Variants in TSPAN5 observed in about 807,000 individuals in gnomAD.
TSPAN5 encodes tetraspanin-5.
TSPAN5 carries 10 observed loss-of-function variants against 37.1 expected under a neutral mutation model. That is an observed-to-expected ratio of 0.27 (90% confidence interval 0.17 to 0.46). The LOEUF (loss-of-function observed/expected upper bound fraction) is 0.46. Among genes scored for constraint, TSPAN5 ranks in the 20% least tolerant of loss-of-function variants. TSPAN5 has a pLI of 1.00. For synonymous variants in TSPAN5, 110 were observed against 118.9 expected, an observed-to-expected ratio of 0.93 and a Z score of 0.48; for missense variants, 195 against 326.6, an observed-to-expected ratio of 0.60 and a Z score of 3.11.
chr4:98,533,543 CTTTTT>C (rs576852948), intron 1 of TSPAN5, among the ~76,000 whole-genome samples: 33 of 58,584 alleles, frequency 5.6e-4, no homozygotes, highest in East Asian at 1.1e-3. Flanking sequence ...TCCCCTATAT[CTTTTT>C]TTTTTTTTTT....
chr4:98,602,117 A>C (rs1320802494), intron 1 of TSPAN5, among the ~76,000 whole-genome samples: 2 of 152,224 alleles, frequency 1.3e-5, no homozygotes, highest in Non-Finnish European at 2.9e-5. Flanking sequence ...ACAATGAAAA[A>C]GTATGGAATG....
chr4:98,541,514 A>C (rs1243290269), intron 1 of TSPAN5, among the ~76,000 whole-genome samples: 1 of 151,886 alleles, frequency 6.6e-6, no homozygotes, highest in African/African-American at 2.4e-5. Context: ...ATCTGTACTA[A>C]AAATACAAAG....
intron 1 of TSPAN5, among the ~76,000 whole-genome samples, chr4:98,606,355 C>G (rs1756038293): frequency 6.6e-6 from 1 of 152,218 alleles, no homozygotes; most frequent in South Asian, 2.1e-4. Context: ...AAACACAAAA[C>G]ACTCATACCA....
chr4:98,646,254 G>A lies in TSPAN5; in HGVS notation c.81+11892C>T, dbSNP rs1331887757. Reference sequence around the variant, plus strand: ...GCATCAGCTGGAAGGACATATAAGGGGAAAACCCAAGTTATCAGGATCACT... The same window carrying A: ...GCATCAGCTGGAAGGACATATAAGGAGAAAACCCAAGTTATCAGGATCACT... On this transcript the variant is annotated intron_variant, in intron 1 of 7. Coordinates refer to ENST00000305798, the MANE Select transcript of TSPAN5 (RefSeq NM_005723.4). 3.3e-5 allele frequency among the ~76,000 whole-genome samples: 5 copies of A among 152,000 alleles called. No homozygotes were observed. In the East Asian group the frequency reaches 9.7e-4, roughly 29 times the overall value.
At position 98,470,730 on chromosome 4, in the gene TSPAN5, T is replaced by G. The variant is rs1439143974; in HGVS notation, c.*1792A>C. 6.6e-6 allele frequency: 1 copy of G among 152,194 alleles called. No homozygotes were observed. Among genetic ancestry groups the G allele is most frequent in the African/African-American group, 2.4e-5 (1 of 41,446 alleles). The allele number at this position is 152,194 out of a possible 1,614,324, so 9.4% of individuals were successfully genotyped here. ...CTATACAGAGACAAAAACACACACATGCAGAGCCATACACACACCCAAACA... is the reference window on the plus strand; with the variant it reads ...CTATACAGAGACAAAAACACACACAGGCAGAGCCATACACACACCCAAACA... On this transcript the variant is annotated 3_prime_UTR_variant, in exon 8 of 8. Transcript: ENST00000305798.
chr4:98,480,869 G>A (rs1054691937), intron 4 of TSPAN5, among the ~76,000 whole-genome samples: 9 of 152,282 alleles, frequency 5.9e-5, no homozygotes, highest in Non-Finnish European at 8.8e-5. Context: ...ACTCCAGGAC[G>A]AAATGTTGCT....
intron 1 of TSPAN5, among the ~76,000 whole-genome samples, chr4:98,576,260 T>C (rs193154686): frequency 7.9e-5 from 12 of 152,298 alleles, no homozygotes; most frequent in African/African-American, 2.6e-4. Flanking sequence ...AAACTTCAAA[T>C]GTTTCAATTA....
At chr4:98,520,969 T>C (rs1753841060) in intron 1 of TSPAN5, among the ~76,000 whole-genome samples, 1 of 152,072 alleles carries the variant, frequency 6.6e-6, no homozygotes, top group Non-Finnish European at 1.5e-5. Flanking sequence ...TCTCGCTCTG[T>C]CGCCCAGGCT....
chr4:98,640,572 G>T (rs932195013), intron 1 of TSPAN5, among the ~76,000 whole-genome samples: 2 of 152,174 alleles, frequency 1.3e-5, no homozygotes, highest in East Asian at 1.9e-4. Context: ...GACAGCTATG[G>T]CTACACAGGA....
intron 1 of TSPAN5, among the ~76,000 whole-genome samples, chr4:98,571,354 G>C (rs1478959597): frequency 6.6e-6 from 1 of 152,088 alleles, no homozygotes; most frequent in Admixed American, 6.5e-5. Context: ...CTGGGGAAAG[G>C]GGAAGTGCAC....
intron 1 of TSPAN5, chr4:98,574,570 CCACGG>C (rs1755192677): frequency 6.6e-6 from 1 of 152,238 alleles, no homozygotes; most frequent in Admixed American, 6.5e-5. Flanking sequence ...CCCCTTCCTT[CCACGG>C]CAATGTCCTA....
At chr4:98,523,019 C>A (rs902450638) in intron 1 of TSPAN5, among the ~76,000 whole-genome samples, 3 of 152,178 alleles carry the variant, frequency 2.0e-5, no homozygotes. Context: ...GTATTTTTTA[C>A]AAGGAAAATG....
At chr4:98,495,758 G>C (rs980862228) in intron 2 of TSPAN5, among the ~76,000 whole-genome samples, 1 of 151,970 alleles carries the variant, frequency 6.6e-6, no homozygotes, top group Non-Finnish European at 1.5e-5. Context: ...AACTTCAGGA[G>C]TGTCTGTGTT....
rs954311680 is a variant in TSPAN5, at chr4:98,487,248, A to G, written c.133-364T>C. On this transcript the variant is annotated intron_variant, in intron 2 of 7. Coordinates refer to ENST00000305798, the MANE Select transcript of TSPAN5 (RefSeq NM_005723.4). ...AAAACTATATGTAGAGAAAAAAAAA[A>G]AAAAAAGAAAAGAAGAGCCCAAGAA... Among the ~76,000 whole-genome samples, 3 of 151,912 alleles carry G rather than the reference A, an allele frequency of 2.0e-5. 1 individual carries two copies.
chr4:98,499,951 C>T (rs113193911), intron 2 of TSPAN5, among the ~76,000 whole-genome samples: 35,081 of 151,768 alleles, frequency 0.23, 4,210 homozygotes, highest in African/African-American at 0.27. Flanking sequence ...TGAGCCACCG[C>T]GCCCGGCCGG....
At chr4:98,500,503 G>A (rs548394595) in intron 2 of TSPAN5, among the ~76,000 whole-genome samples, 8 of 152,296 alleles carry the variant, frequency 5.3e-5, no homozygotes, top group South Asian at 2.1e-4. Context: ...AGAACCCAGC[G>A]TAGTGAGTGC....
chr4:98,646,513 C>T (rs1384531551), intron 1 of TSPAN5, among the ~76,000 whole-genome samples: 1 of 152,098 alleles, frequency 6.6e-6, no homozygotes, highest in Non-Finnish European at 1.5e-5. Flanking sequence ...AACTCAACTT[C>T]CCAGTACAAA....
chr4:98,631,061 A>C (rs1237893951), intron 1 of TSPAN5, among the ~76,000 whole-genome samples: 1 of 152,208 alleles, frequency 6.6e-6, no homozygotes, highest in Non-Finnish European at 1.5e-5. Context: ...GAACTTGAAA[A>C]AAATCATGTA....
intron 4 of TSPAN5, 52 bp from the exon 5 acceptor site, chr4:98,478,862 A>C (rs1578932662): frequency 6.3e-7 from 1 of 1,598,974 alleles, no homozygotes; most frequent in Non-Finnish European, 8.5e-7. Flanking sequence ...GCAAGCAGTC[A>C]CCTACACTCA....
Sources: gnomAD v4.1 joint callset for allele counts (sites outside exome capture counted in the v4.1 genomes callset) on GRCh38, gnomAD v4.1.1 for gene constraint, MANE v1.5 for transcripts, NCBI Gene and HGNC (gene_info 2026-07-23, HGNC 2026-07-21) for gene names.